The following ANKMY1 variants were observed in gnomAD, a reference collection of about 807,000 sequenced individuals.
ANKMY1 encodes ankyrin repeat and MYND domain-containing protein 1.
Under a neutral mutation model 102.0 loss-of-function variants are expected in ANKMY1, and 98 were observed. That is an observed-to-expected ratio of 0.96 (90% CI 0.82 to 1.14). The LOEUF is 1.14. ANKMY1 is among the 50% of genes most tolerant of loss of function. The probability of loss-of-function intolerance (pLI) is 0.00; values close to 1 mark genes in which losing one functional copy is unlikely to be tolerated. For synonymous variants in ANKMY1, 582 were observed against 559.9 expected, an observed-to-expected ratio of 1.04 and a Z score of -0.56; for missense variants, 1,330 against 1,347.6, an observed-to-expected ratio of 0.99 and a Z score of 0.20.
Position 240,529,446 on chromosome 2 carries a change from C to A in ANKMY1, c.544G>T (p.Asp182Tyr). The A allele has an allele frequency of 6.2e-7, 1 of 1,614,160 alleles. No individual in the cohort carries two copies. The highest frequency in any genetic ancestry group is 2.2e-5 in the East Asian group (1 of 44,882). The change falls in exon 5 of 18, where the codon GAC (aspartate) becomes TAC (tyrosine). Residue 182 changes from aspartate (D) to tyrosine (Y), a missense_variant. Transcript: ENST00000401804. The surrounding 1 kb of genome is among the most constrained non-coding windows in gnomAD (Gnocchi z 4.2). ...TGCTCTCGGAACCACAGCCCCACGT[C>A]CTGGCTGCCATCGGGGTAGGTCTCG... ...GVETYPDGSQDVGLWFREQLI... is the reference protein window; with the variant it reads ...GVETYPDGSQYVGLWFREQLI...
intron 15 of ANKMY1, among the ~76,000 whole-genome samples, chr2:240,491,325 T>C (rs1247558636): frequency 6.6e-6 from 1 of 152,206 alleles, no homozygotes; most frequent in Non-Finnish European, 1.5e-5. Flanking sequence ...AAGAGGATAA[T>C]TTAATTTGTT....
At chr2:240,469,499 G>C in the ANKMY1 span, among the ~76,000 whole-genome samples, 2 of 152,206 alleles carry the variant, frequency 1.3e-5, no homozygotes, top group Non-Finnish European at 2.9e-5. Context: ...CTGATGGGCA[G>C]AGAGCAGCCC....
chr2:240,553,550 A>T (rs554293041), intron 3 of ANKMY1: 1 of 161,110 alleles, frequency 6.2e-6, no homozygotes, highest in East Asian at 1.8e-4. Context: ...AAACAACAGG[A>T]GTGAGTGTAT....
chr2:240,559,769 G>A (rs1368272004), upstream of ANKMY1, among the ~76,000 whole-genome samples: 1 of 152,214 alleles, frequency 6.6e-6, no homozygotes, highest in Non-Finnish European at 1.5e-5. Flanking sequence ...TGAACCCCAG[G>A]CTGCAATAAA....
chr2:240,546,880 A>G (rs1401271192), intron 4 of ANKMY1, among the ~76,000 whole-genome samples: 1 of 152,192 alleles, frequency 6.6e-6, no homozygotes, highest in Non-Finnish European at 1.5e-5. Flanking sequence ...AGTGACCTAC[A>G]AAGAGACTTA....
chr2:240,469,359 GT>G, the ANKMY1 span, among the ~76,000 whole-genome samples: 801 of 152,326 alleles, frequency 5.3e-3, 13 homozygotes, highest in African/African-American at 0.018. Flanking sequence ...GAGCTCCCAA[GT>G]TCTGCCCACC....
chr2:240,496,722 T>A (rs534615617), intron 15 of ANKMY1, among the ~76,000 whole-genome samples: 2 of 152,340 alleles, frequency 1.3e-5, no homozygotes, highest in East Asian at 1.9e-4. Context: ...TCTCCTTCCA[T>A]GACCAAACGC....
At chr2:240,541,308 C>T (rs868023276) in intron 4 of ANKMY1, among the ~76,000 whole-genome samples, 5 of 152,152 alleles carry the variant, frequency 3.3e-5, no homozygotes, top group Non-Finnish European at 5.9e-5. Flanking sequence ...AGTTGGGACA[C>T]TCTTGGGGCT....
Position 240,520,775 on chromosome 2 carries a change from CACA to C in ANKMY1, c.1833-245_1833-243del, listed in dbSNP as rs993714097. On this transcript the variant is annotated intron_variant, in intron 8 of 17. Coordinates refer to ENST00000401804, the MANE Select transcript of ANKMY1 (RefSeq NM_001282771.3). This position sits in a 1 kb window ranked among gnomAD's most constrained non-coding sequence, Gnocchi z 4.8. ...CACACAGCACACCACACAGCACACT[CACA>C]ACCACACCCACAGCACACCACACAG... 1.6e-4 allele frequency among the ~76,000 whole-genome samples: 24 copies of C among 147,332 alleles called. No individual in the cohort carries two copies. Among genetic ancestry groups the C allele is most frequent in the South Asian group, 4.4e-4 (2 of 4,578 alleles).
chr2:240,512,116 G>A (rs1160068078), intron 10 of ANKMY1, 115 bp from the exon 11 acceptor site: 13 of 1,288,114 alleles, frequency 1.0e-5, no homozygotes, highest in East Asian at 3.0e-5. Context: ...CTCACCCTGC[G>A]AAACCCTCTT....
At chr2:240,513,025 A>G in intron 9 of ANKMY1, 83 bp from the exon 10 acceptor site, 1 of 1,522,048 alleles carries the variant, frequency 6.6e-7, no homozygotes, top group Non-Finnish European at 8.8e-7. Context: ...CCCAAATGCC[A>G]GGGAAATGGC....
In ANKMY1 at chr2:240,557,910, C is replaced by G; in HGVS notation, c.-47G>C. 15 of 985,592 alleles carry G rather than the reference C, an allele frequency of 1.5e-5. No homozygotes were observed. Among genetic ancestry groups the G allele is most frequent in the Non-Finnish European group, 1.8e-5 (15 of 830,040 alleles). The allele number at this position is 985,592 out of a possible 1,614,324, so 61.1% of individuals were successfully genotyped here. On this transcript the variant is annotated 5_prime_UTR_variant, in exon 1 of 18. Coordinates refer to ENST00000401804, the MANE Select transcript of ANKMY1 (RefSeq NM_001282771.3). ...CAAGACTCGAAGAGCTCGCGCCGGA[C>G]AGCAGGGAGACCGACGGGACTGCAG...
At chr2:240,531,611 A>C (rs2085407705) in intron 4 of ANKMY1, among the ~76,000 whole-genome samples, 1 of 152,250 alleles carries the variant, frequency 6.6e-6, no homozygotes, top group African/African-American at 2.4e-5. Context: ...TCATGCCGTA[A>C]GCAAAAGAAA....
At chr2:240,528,407 G>A (rs912922543) in intron 5 of ANKMY1, among the ~76,000 whole-genome samples, 4 of 151,032 alleles carry the variant, frequency 2.6e-5, no homozygotes, top group Non-Finnish European at 5.9e-5. Context: ...ATCTTTTCAC[G>A]CCATCCTTGG....
At chr2:240,497,178 G>T (rs907954315) in intron 15 of ANKMY1, among the ~76,000 whole-genome samples, 1 of 151,722 alleles carries the variant, frequency 6.6e-6, no homozygotes, top group Non-Finnish European at 1.5e-5. Flanking sequence ...CTGAGCATAA[G>T]AATGGAGCCG....
intron 9 of ANKMY1, among the ~76,000 whole-genome samples, chr2:240,513,488 G>T (rs985707936): frequency 6.6e-6 from 1 of 152,232 alleles, no homozygotes; most frequent in African/African-American, 2.4e-5. Context: ...ATGGACAGTG[G>T]GCTTTGGGTC....
intron 15 of ANKMY1, among the ~76,000 whole-genome samples, chr2:240,485,006 C>T (rs900004005): frequency 6.4e-4 from 97 of 152,298 alleles, no homozygotes; most frequent in Non-Finnish European, 1.1e-3. Context: ...GAGATACCAT[C>T]TCATGCCAGT....
chr2:240,519,419 C>T (rs2081745186), intron 9 of ANKMY1, among the ~76,000 whole-genome samples: 1 of 152,214 alleles, frequency 6.6e-6, no homozygotes, highest in African/African-American at 2.4e-5. Context: ...CCGCAGTGAG[C>T]CCACGCTTGC....
chr2:240,473,835 T>C, the ANKMY1 span, among the ~76,000 whole-genome samples: 8 of 152,084 alleles, frequency 5.3e-5, no homozygotes, highest in Non-Finnish European at 1.5e-5. Context: ...GTAAAAACTC[T>C]CAACAAACTA....
Sources: allele counts gnomAD v4.1 joint callset (sites outside exome capture counted in the v4.1 genomes callset), GRCh38; gene constraint gnomAD v4.1.1; non-coding constraint Gnocchi (gnomAD v3.1); transcripts MANE v1.5; gene names NCBI Gene and HGNC (gene_info 2026-07-23, HGNC 2026-07-21).